The following CDH4 variants were observed in gnomAD, a reference collection of about 807,000 sequenced individuals.
CDH4 encodes cadherin 4.
Under a neutral mutation model 86.0 loss-of-function variants are expected in CDH4, and 33 were observed. The ratio of observed to expected loss-of-function variants is 0.38; its 90% CI spans 0.29 to 0.51. CDH4 has a LOEUF of 0.51. CDH4 is among the 20% of genes least tolerant of loss of function. CDH4 has a pLI of 0.86. For missense variants in CDH4, 1,114 were observed against 1,307.4 expected (o/e 0.85, Z 2.28); for synonymous variants, 555 against 549.4 (o/e 1.01, Z -0.14).
rs924990778 is a variant in CDH4, at chr20:61,811,605, C to T, written c.577-33063C>T. On this transcript the variant is annotated intron_variant, in intron 4 of 15. Coordinates refer to ENST00000614565, the MANE Select transcript of CDH4 (RefSeq NM_001794.5). This position sits in a 1 kb window ranked among gnomAD's most constrained non-coding sequence, Gnocchi z 4.4. ...CTGTGTGAAAGCGGAGCCCACCAGC[C>T]CACAAATGAGCCCAGCCACTGCCAC... Among the ~76,000 whole-genome samples the T allele has an allele frequency of 2.0e-5, 3 of 152,066 alleles. No homozygotes were observed. Among genetic ancestry groups the T allele is most frequent in the African/African-American group, 7.2e-5 (3 of 41,416 alleles).
chr20:61,355,049 C>T (rs1464738882), intron 2 of CDH4, among the ~76,000 whole-genome samples: 1 of 152,118 alleles, frequency 6.6e-6, no homozygotes, highest in East Asian at 1.9e-4. Flanking sequence ...TGGCTTCACA[C>T]TCAGCACATC....
chr20:61,621,406 C>T (rs1042373388), intron 2 of CDH4, among the ~76,000 whole-genome samples: 4 of 152,146 alleles, frequency 2.6e-5, no homozygotes, highest in African/African-American at 9.7e-5. Context: ...AATTGCAAAG[C>T]GAGAACCCAG....
intron 4 of CDH4, among the ~76,000 whole-genome samples, chr20:61,803,309 A>C (rs923379870): frequency 4.1e-4 from 62 of 152,214 alleles, no homozygotes; most frequent in Non-Finnish European, 7.5e-4. Flanking sequence ...AAGTGCGGCC[A>C]GAGAGGCTGT....
intron 1 of CDH4, among the ~76,000 whole-genome samples, chr20:61,254,080 G>GACTT (rs1246386055): frequency 6.6e-6 from 1 of 152,350 alleles, no homozygotes; most frequent in Non-Finnish European, 1.5e-5. Flanking sequence ...ATGGGCTCTA[G>GACTT]ACTTCCCCAC....
intron 4 of CDH4, among the ~76,000 whole-genome samples, chr20:61,822,159 T>C (rs1184111027): frequency 3.3e-5 from 5 of 152,278 alleles, no homozygotes; most frequent in Admixed American, 1.3e-4. Context: ...TTCTAAGGCC[T>C]GTGCTCTAAC....
intron 6 of CDH4, among the ~76,000 whole-genome samples, chr20:61,859,995 C>G (rs777887862): frequency 6.6e-6 from 1 of 152,226 alleles, no homozygotes; most frequent in African/African-American, 2.4e-5. Context: ...CAGGCAAGCT[C>G]CTTCCCACTG....
chr20:61,468,043 G>A (rs933644292), intron 2 of CDH4, among the ~76,000 whole-genome samples: 1 of 152,208 alleles, frequency 6.6e-6, no homozygotes, highest in African/African-American at 2.4e-5. Flanking sequence ...ACAGGGTGTG[G>A]CAGTGTATGT....
At chr20:61,400,786 A>G (rs1170090205) in intron 2 of CDH4, among the ~76,000 whole-genome samples, 4 of 152,084 alleles carry the variant, frequency 2.6e-5, no homozygotes, top group Non-Finnish European at 5.9e-5. Context: ...GCCTGGCCCC[A>G]CCTCCGCTGG....
intron 2 of CDH4, among the ~76,000 whole-genome samples, chr20:61,515,927 C>A (rs908595188): frequency 3.3e-5 from 5 of 152,138 alleles, no homozygotes; most frequent in Admixed American, 1.3e-4. Flanking sequence ...TCTATCCCCC[C>A]CATCCCGCAG....
At chr20:61,474,646 T>C (rs2085524661) in intron 2 of CDH4, among the ~76,000 whole-genome samples, 2 of 152,178 alleles carry the variant, frequency 1.3e-5, no homozygotes, top group Admixed American at 6.5e-5. Context: ...CATGGGTGAC[T>C]TGAGTTAAGC....
chr20:61,693,236 T>A (rs1169964369), intron 2 of CDH4, among the ~76,000 whole-genome samples: 1 of 152,146 alleles, frequency 6.6e-6, no homozygotes, highest in South Asian at 2.1e-4. Context: ...TTTCCTGTGA[T>A]GAAGGCCAGT....
chr20:61,520,043 C>G (rs1028366503), intron 2 of CDH4, among the ~76,000 whole-genome samples: 1 of 152,174 alleles, frequency 6.6e-6, no homozygotes, highest in Non-Finnish European at 1.5e-5. Flanking sequence ...AGTTTCTAGG[C>G]TATTGACTAT....
At chr20:61,912,804 A>T (rs2054864258) in intron 9 of CDH4, among the ~76,000 whole-genome samples, 1 of 152,156 alleles carries the variant, frequency 6.6e-6, no homozygotes, top group Non-Finnish European at 1.5e-5. Flanking sequence ...GTGCGCAGGG[A>T]CTGGGCATGG....
At chr20:61,727,669 G>A (rs2145921519) in intron 2 of CDH4, among the ~76,000 whole-genome samples, 1 of 152,322 alleles carries the variant, frequency 6.6e-6, no homozygotes, top group Middle Eastern at 3.4e-3. Context: ...GACCATAGGT[G>A]TGCAGATCAC....
At chr20:61,705,094 G>A (rs555671284) in intron 2 of CDH4, among the ~76,000 whole-genome samples, 23 of 152,314 alleles carry the variant, frequency 1.5e-4, no homozygotes, top group African/African-American at 3.4e-4. Context: ...GCTTTGTCTC[G>A]TTGGCATGTC....
chr20:61,805,656 C>A (rs867600520), intron 4 of CDH4, among the ~76,000 whole-genome samples: 1 of 152,222 alleles, frequency 6.6e-6, no homozygotes, highest in African/African-American at 2.4e-5. Flanking sequence ...ACCCAACCTA[C>A]CGCATGGCAG....
At chr20:61,734,287 G>A (rs1044285355) in intron 2 of CDH4, among the ~76,000 whole-genome samples, 2 of 152,232 alleles carry the variant, frequency 1.3e-5, no homozygotes, top group African/African-American at 4.8e-5. Flanking sequence ...TTAGCTGAGG[G>A]TCTAATTATG....
At chr20:61,513,102 A>G (rs962330604) in intron 2 of CDH4, among the ~76,000 whole-genome samples, 4 of 152,172 alleles carry the variant, frequency 2.6e-5, no homozygotes, top group African/African-American at 9.7e-5. Context: ...TTTGTCCTAC[A>G]GGTAGGCCGT....
intron 4 of CDH4, among the ~76,000 whole-genome samples, chr20:61,786,535 A>G (rs1374842913): frequency 6.6e-6 from 1 of 152,180 alleles, no homozygotes; most frequent in Non-Finnish European, 1.5e-5. Context: ...CCTCTCATCC[A>G]AGCAGAAAAT....
Sources: gnomAD v4.1 joint callset for allele counts (sites outside exome capture counted in the v4.1 genomes callset) on GRCh38, gnomAD v4.1.1 for gene constraint, Gnocchi (gnomAD v3.1) non-coding constraint, MANE v1.5 for transcripts, NCBI Gene and HGNC (gene_info 2026-07-23, HGNC 2026-07-21) for gene names.